UBXN2B: variants seen among roughly 807,000 people sequenced by gnomAD.
UBXN2B encodes the protein UBX domain-containing protein 2B.
In UBXN2B, 19 loss-of-function variants were observed where a neutral mutation model predicts 37.5. The observed-to-expected ratio is 0.51, with a 90% CI of 0.35 to 0.74. The LOEUF is 0.74. Among genes scored for constraint, UBXN2B ranks in the 30% least tolerant of loss-of-function variants. UBXN2B has a pLI of 0.01. For missense variants in UBXN2B, 370 were observed against 393.2 expected (o/e 0.94, Z 0.50); for synonymous variants, 145 against 143.8 (o/e 1.01, Z -0.06).
At chr8:58,419,892 G>T (rs1382726905) in intron 2 of UBXN2B, among the ~76,000 whole-genome samples, 1 of 152,226 alleles carries the variant, frequency 6.6e-6, no homozygotes, top group African/African-American at 2.4e-5. Context: ...GCTTAGAAGG[G>T]CCCTGTGCTT....
intron 1 of UBXN2B, among the ~76,000 whole-genome samples, chr8:58,416,246 C>G (rs1217975120): frequency 1.3e-5 from 2 of 151,802 alleles, no homozygotes; most frequent in East Asian, 1.9e-4. Context: ...AATTTTATTT[C>G]ATTTTGAAAT....
intron 1 of UBXN2B, chr8:58,413,199 CTTG>C (rs560334587): frequency 3.9e-4 from 60 of 151,908 alleles, no homozygotes; most frequent in Admixed American, 1.6e-3. Context: ...CTCCTGTCTA[CTTG>C]TTGTAGGTTA....
intron 7 of UBXN2B, among the ~76,000 whole-genome samples, chr8:58,446,697 T>C (rs900757380): frequency 1.3e-5 from 2 of 149,742 alleles, no homozygotes; most frequent in African/African-American, 4.9e-5. Context: ...TAGACTCACC[T>C]TGCCACAGGC....
intron 2 of UBXN2B, among the ~76,000 whole-genome samples, chr8:58,418,768 T>G (rs1481196026): frequency 6.6e-6 from 1 of 152,212 alleles, no homozygotes; most frequent in East Asian, 1.9e-4. Flanking sequence ...TTCATTTAAT[T>G]CTTACCTTTA....
intron 3 of UBXN2B, among the ~76,000 whole-genome samples, chr8:58,431,192 G>C (rs1217326623): frequency 2.0e-5 from 3 of 152,114 alleles, no homozygotes; most frequent in African/African-American, 4.8e-5. Flanking sequence ...CATGTTAAGA[G>C]TGTTAAACCA....
intron 6 of UBXN2B, among the ~76,000 whole-genome samples, chr8:58,441,566 G>T (rs1483372616): frequency 6.6e-6 from 1 of 151,740 alleles, no homozygotes; most frequent in Non-Finnish European, 1.5e-5. Context: ...ATTAATGTTG[G>T]ACCGCACATC....
chr8:58,411,368 G>C lies in UBXN2B; in HGVS notation c.-18G>C. On this transcript the variant is annotated 5_prime_UTR_variant, in exon 1 of 8. Transcript: ENST00000399598. Reference sequence around the variant, plus strand: ...TGCGGCAGGTGCGTCCGCAGCGGGCGCCGCTAGCCAGCGGAAGATGGCGGA... The same window carrying C: ...TGCGGCAGGTGCGTCCGCAGCGGGCCCCGCTAGCCAGCGGAAGATGGCGGA... 4 of 1,268,068 alleles carry C rather than the reference G, an allele frequency of 3.2e-6. No homozygotes were observed. Among genetic ancestry groups the C allele is most frequent in the Non-Finnish European group, 4.0e-6 (4 of 1,003,858 alleles). The allele number at this position is 1,268,068 out of a possible 1,614,324, so 78.6% of individuals were successfully genotyped here. A position where few individuals can be genotyped will look rare whatever the true frequency, so the allele number is the denominator to read the frequency against.
chr8:58,441,711 C>G (rs1252971748), intron 6 of UBXN2B, among the ~76,000 whole-genome samples: 1 of 151,926 alleles, frequency 6.6e-6, no homozygotes, highest in Non-Finnish European at 1.5e-5. Flanking sequence ...TTCACAAAGG[C>G]CAGTCATTTT....
At chr8:58,419,501 A>G (rs115375259) in intron 2 of UBXN2B, among the ~76,000 whole-genome samples, 109 of 152,350 alleles carry the variant, frequency 7.2e-4, no homozygotes, top group African/African-American at 2.5e-3. Context: ...GACCCTCAGG[A>G]TATAGTCTGA....
chr8:58,446,355 A>G (rs1040579658), intron 7 of UBXN2B, among the ~76,000 whole-genome samples: 1 of 152,254 alleles, frequency 6.6e-6, no homozygotes, highest in African/African-American at 2.4e-5. Context: ...TACTAAAACT[A>G]TATGAAGTCG....
At chr8:58,439,508 G>C (rs1469025761) in intron 5 of UBXN2B, 125 bp from the exon 6 acceptor site, 2 of 1,190,740 alleles carry the variant, frequency 1.7e-6, no homozygotes, top group Non-Finnish European at 1.1e-6. Context: ...GGAAATTTTT[G>C]TGTTATAATT....
chr8:58,416,815 G>A (rs1052484793), intron 1 of UBXN2B, 35 bp from the exon 2 acceptor site: 1 of 1,579,098 alleles, frequency 6.3e-7, no homozygotes, highest in Non-Finnish European at 8.7e-7. Context: ...GTTATTCCTA[G>A]TGTTATACTT....
At chr8:58,416,792 T>C (rs553997814) in intron 1 of UBXN2B, 58 bp from the exon 2 acceptor site, 46 of 1,463,890 alleles carry the variant, frequency 3.1e-5, no homozygotes, top group South Asian at 2.6e-4. Flanking sequence ...TAACTTCTAG[T>C]TGTATGGAAG....
chr8:58,433,042 C>T (rs17261584), intron 3 of UBXN2B, 118 bp from the exon 4 acceptor site: 13,964 of 715,792 alleles, frequency 0.02, 193 homozygotes, highest in Middle Eastern at 0.037. Context: ...CTTGAAGGCT[C>T]CCCAGTATGA....
chr8:58,441,379 A>ATATATATATATATGTATGTG (rs1808546341), intron 6 of UBXN2B, among the ~76,000 whole-genome samples: 1 of 148,938 alleles, frequency 6.7e-6, no homozygotes. Flanking sequence ...GTATGTGTAT[A>ATATATATATATATGTATGTG]TATATGTATG....
Position 58,411,450 on chromosome 8 carries a change from C to G in UBXN2B, c.65C>G (p.Pro22Arg). ...AGGAGGTCTTCCGGGCCGCGGCCTC[C>G]GAGCGCGCGGGATTTGCAGGTGAGG... ...QERRSSGPRP[P>R]SARDLQLALA... is the part of the protein sequence containing the mutation. The change falls in exon 1 of 8, where the codon CCG becomes CGG. Residue 22 changes from proline to arginine, a missense_variant. Transcript: ENST00000399598. 8.0e-7 allele frequency: 1 copy of G among 1,255,188 alleles called. No homozygotes were observed. Among genetic ancestry groups the G allele is most frequent in the East Asian group, 3.2e-5 (1 of 31,712 alleles). The allele number at this position is 1,255,188 out of a possible 1,614,324, so 77.8% of individuals were successfully genotyped here. A position where few individuals can be genotyped will look rare whatever the true frequency, so the allele number is the denominator to read the frequency against.
At chr8:58,419,446 G>A (rs561736175) in intron 2 of UBXN2B, among the ~76,000 whole-genome samples, 1 of 152,246 alleles carries the variant, frequency 6.6e-6, no homozygotes, top group Non-Finnish European at 1.5e-5. Flanking sequence ...ACATAAGATG[G>A]TCTGTGTTTT....
In UBXN2B at chr8:58,447,609, G is replaced by A; in HGVS notation, c.*58G>A. ...ATAGATGATGTGCCGTATTAATAAG[G>A]ACAATACTTCAGCATTAAAAACAGC... On this transcript the variant is annotated 3_prime_UTR_variant, in exon 8 of 8. Transcript: ENST00000399598. The A allele has an allele frequency of 7.0e-7, 1 of 1,418,688 alleles. No homozygotes were observed. The highest frequency in any genetic ancestry group is 9.4e-7 in the Non-Finnish European group (1 of 1,068,422). 87.9% of individuals were successfully genotyped at this position (1,418,688 alleles called of 1,614,324 possible).
At chr8:58,411,976 A>G (rs564446482) in intron 1 of UBXN2B, among the ~76,000 whole-genome samples, 15 of 152,332 alleles carry the variant, frequency 9.8e-5, no homozygotes, top group African/African-American at 1.7e-4. Flanking sequence ...CTCTATGCCC[A>G]TACAGCCTAG....
Sources: gnomAD v4.1 joint callset for allele counts (sites outside exome capture counted in the v4.1 genomes callset) on GRCh38, gnomAD v4.1.1 for gene constraint, MANE v1.5 for transcripts, NCBI Gene and HGNC (gene_info 2026-07-23, HGNC 2026-07-21) for gene names.